The following ZNF679 variants were observed in gnomAD, a reference collection of about 807,000 sequenced individuals.
ZNF679 encodes hypothetical protein MGC42415.
Under a neutral mutation model 13.4 loss-of-function variants are expected in ZNF679, and 10 were observed. The observed-to-expected ratio is 0.75, with a 90% confidence interval of 0.46 to 1.27. ZNF679 has a LOEUF of 1.27. Among genes scored for constraint, ZNF679 ranks in the 50% most tolerant of loss-of-function variants. The pLI is 0.00. For synonymous variants in ZNF679, 179 were observed against 162.5 expected, an observed-to-expected ratio of 1.10 and a Z score of -0.77; for missense variants, 525 against 477.8, an observed-to-expected ratio of 1.10 and a Z score of -0.92.
At chr7:64,246,593 T>G (rs768660739) in intron 1 of ZNF679, among the ~76,000 whole-genome samples, 9 of 151,980 alleles carry the variant, frequency 5.9e-5, no homozygotes, top group African/African-American at 1.7e-4. Context: ...CATGGTGGTG[T>G]GCACCTGTAA....
chr7:64,245,885 A>T (rs969590638), intron 1 of ZNF679, among the ~76,000 whole-genome samples: 1 of 152,160 alleles, frequency 6.6e-6, no homozygotes, highest in Non-Finnish European at 1.5e-5. Flanking sequence ...GGGTGCCTGT[A>T]ATCCCAGGTA....
chr7:64,252,435 A>T (rs765402981), intron 2 of ZNF679, among the ~76,000 whole-genome samples: 25 of 152,100 alleles, frequency 1.6e-4, no homozygotes, highest in Admixed American at 3.9e-4. Flanking sequence ...AAAAATTTGC[A>T]TTTACCCTTT....
intron 2 of ZNF679, among the ~76,000 whole-genome samples, chr7:64,256,796 C>T (rs1788010875): frequency 6.6e-6 from 1 of 150,670 alleles, no homozygotes; most frequent in Admixed American, 6.7e-5. Context: ...CTTCTGGTTT[C>T]AAGCAATTCT....
rs543593104 is a variant in ZNF679 at position 64,240,632 on chromosome 7, C to A, written c.-90-8396C>A. 2.6e-5 allele frequency among the ~76,000 whole-genome samples: 4 copies of A among 152,284 alleles called. No individual in the cohort carries two copies. In the South Asian group the frequency reaches 6.2e-4, roughly 24 times the overall value. ...CACTGGCGAGGTCCTAAATCTCACA[C>A]ATAAATGCAATCCAGACTTGGAATT... On this transcript the variant is annotated intron_variant, in intron 1 of 4. Transcript: ENST00000421025.
chr7:64,230,455 C>T (rs376612273), intron 1 of ZNF679, among the ~76,000 whole-genome samples: 1 of 151,512 alleles, frequency 6.6e-6, no homozygotes, highest in Non-Finnish European at 1.5e-5. Context: ...ATGGCGTGAA[C>T]CCGGGAAGCG....
At chr7:64,250,856 G>T (rs903124280) in intron 2 of ZNF679, among the ~76,000 whole-genome samples, 1 of 152,104 alleles carries the variant, frequency 6.6e-6, no homozygotes, top group Non-Finnish European at 1.5e-5. Flanking sequence ...CCAAGTGCTG[G>T]GATTACAGGC....
rs187399687 is a variant in ZNF679 at position 64,238,353 on chromosome 7, C to T, written c.-91+9701C>T. 1.1e-3 allele frequency among the ~76,000 whole-genome samples: 160 copies of T among 152,180 alleles called. 1 individual carries two copies. Among genetic ancestry groups the T allele is most frequent in the African/African-American group, 3.8e-3 (156 of 41,518 alleles). On this transcript the variant is annotated intron_variant, in intron 1 of 4. Coordinates refer to ENST00000421025, the MANE Select transcript of ZNF679 (RefSeq NM_153363.3). The stretch of plus-strand genomic sequence containing the variant: ...AGCCCTTTTCAGCCTAACTTTGAGA[C>T]GTATGTAGCTATTATGTTTGGTGCT...
chr7:64,260,746 A>G, intron 3 of ZNF679, 88 bp from the exon 4 acceptor site: 1 of 1,325,676 alleles, frequency 7.5e-7, no homozygotes, highest in Non-Finnish European at 1.0e-6. Context: ...AGAATTTTCT[A>G]TTATATCCTC....
intron 1 of ZNF679, among the ~76,000 whole-genome samples, chr7:64,236,981 AAG>A (rs1787733993): frequency 3.6e-5 from 2 of 55,988 alleles, no homozygotes; most frequent in Admixed American, 1.9e-4. Context: ...AAGAAAAAGA[AAG>A]AAAGAAAGAA....
chr7:64,262,180 A>C (rs2115609582), intron 4 of ZNF679, among the ~76,000 whole-genome samples: 1 of 152,302 alleles, frequency 6.6e-6, no homozygotes, highest in African/African-American at 2.4e-5. Context: ...TAAATCAAGT[A>C]ATTCAGTTAT....
intron 2 of ZNF679, among the ~76,000 whole-genome samples, chr7:64,250,733 C>T (rs929631299): frequency 1.3e-5 from 2 of 151,856 alleles, no homozygotes; most frequent in East Asian, 1.9e-4. Flanking sequence ...GGATTACAGG[C>T]CTGCACCACC....
At chr7:64,261,864 T>C (rs984351471) in intron 4 of ZNF679, among the ~76,000 whole-genome samples, 55 of 151,286 alleles carry the variant, frequency 3.6e-4, no homozygotes, top group Non-Finnish European at 5.5e-4. Flanking sequence ...TTCTTTCTTT[T>C]TTTTTTTTTT....
Position 64,266,000 on chromosome 7 carries a change from T to G in ZNF679, c.367T>G (p.Leu123Val), listed in dbSNP as rs371012818. The change falls in exon 5 of 5, where the codon TTA becomes GTA. Residue 123 changes from leucine (L) to valine (V), a missense_variant. Coordinates refer to ENST00000421025, the MANE Select transcript of ZNF679 (RefSeq NM_153363.3). ...RRYGKSGHDN[L>V]QVKTCKSMGE... ...ATATGGAAAAAGTGGACATGACAAT[T>G]TACAAGTAAAAACATGTAAAAGCAT... is the stretch of plus-strand genomic sequence containing the variant. 2.1e-5 allele frequency: 34 copies of G among 1,613,586 alleles called. No homozygotes were observed. The African/African-American group carries it at 4.3e-4, about 20-fold the overall frequency.
At chr7:64,249,199 G>C (rs780601882) in intron 2 of ZNF679, 43 bp downstream of exon 2, 5 of 1,614,048 alleles carry the variant, frequency 3.1e-6, no homozygotes, top group East Asian at 4.5e-5. Flanking sequence ...GTGAGGGCTG[G>C]TTGGAACCGG....
At position 64,248,008 on chromosome 7, in the gene ZNF679, C is replaced by T. The variant is rs759783646; in HGVS notation, c.-90-1020C>T. 5.9e-5 allele frequency among the ~76,000 whole-genome samples: 9 copies of T among 152,118 alleles called. 1 individual carries two copies. The highest frequency in any genetic ancestry group is 4.4e-5 in the Non-Finnish European group (3 of 68,018). On this transcript the variant is annotated intron_variant, in intron 1 of 4. Coordinates refer to ENST00000421025, the MANE Select transcript of ZNF679 (RefSeq NM_153363.3). ...TTCACACTGCTATAAACAAATACCT[C>T]AGACTGCGTACTTTTTTTTTAAGTG...
intron 1 of ZNF679, among the ~76,000 whole-genome samples, chr7:64,234,232 T>C (rs1787678563): frequency 6.6e-6 from 1 of 152,172 alleles, no homozygotes; most frequent in South Asian, 2.1e-4. Context: ...CAGAATGCCT[T>C]AGAAGATCAA....
chr7:64,236,871 G>A (rs1304314710), intron 1 of ZNF679, among the ~76,000 whole-genome samples: 2 of 125,354 alleles, frequency 1.6e-5, no homozygotes, highest in Non-Finnish European at 3.5e-5. Flanking sequence ...AAAAAAGAAA[G>A]AAGAAAGAGA....
intron 1 of ZNF679, among the ~76,000 whole-genome samples, chr7:64,246,198 A>G (rs933652084): frequency 6.6e-6 from 1 of 152,150 alleles, no homozygotes; most frequent in Non-Finnish European, 1.5e-5. Flanking sequence ...GGGACCTTTT[A>G]TCTTATCTGT....
chr7:64,235,560 G>C (rs1430960371), intron 1 of ZNF679, among the ~76,000 whole-genome samples: 2 of 151,610 alleles, frequency 1.3e-5, no homozygotes, highest in Non-Finnish European at 2.9e-5. Context: ...AGGCCGATGT[G>C]GGTGGATCAC....
Sources: gnomAD v4.1 joint callset for allele counts (sites outside exome capture counted in the v4.1 genomes callset) on GRCh38, gnomAD v4.1.1 for gene constraint, MANE v1.5 for transcripts, NCBI Gene and HGNC (gene_info 2026-07-23, HGNC 2026-07-21) for gene names.